Variants in ACER3 observed in about 807,000 individuals in gnomAD.
The protein encoded by ACER3 is alkaline ceramidase 3.
In ACER3, 16 loss-of-function variants were observed where a neutral mutation model predicts 48.9. That is an observed-to-expected ratio of 0.33 (90% CI 0.22 to 0.50). The LOEUF (loss-of-function observed/expected upper bound fraction) is 0.50. ACER3 is among the 20% of genes least tolerant of loss of function. The pLI, the probability that ACER3 is intolerant of heterozygous loss-of-function variation, is 0.98. For synonymous variants in ACER3, 109 were observed against 107.8 expected, an observed-to-expected ratio of 1.01 and a Z score of -0.07; for missense variants, 227 against 326.0, an observed-to-expected ratio of 0.70 and a Z score of 2.34.
chr11:76,930,486 G>A (rs1392220571), intron 2 of ACER3, among the ~76,000 whole-genome samples: 1 of 94,632 alleles, frequency 1.1e-5, no homozygotes, highest in Non-Finnish European at 3.2e-5. Flanking sequence ...TCTGATCTTA[G>A]TTATTTCTTG....
At chr11:76,950,394 TATATATATATATATATA>T (rs1387408038) in intron 2 of ACER3, among the ~76,000 whole-genome samples, 504 of 30,330 alleles carry the variant, frequency 0.017, 46 homozygotes, top group African/African-American at 0.022. Flanking sequence ...TATATATATA[TATATATATATATATATA>T]ATTTACACAT....
chr11:76,883,436 T>G (rs1945583991), intron 1 of ACER3, among the ~76,000 whole-genome samples: 3 of 128,486 alleles, frequency 2.3e-5, no homozygotes, highest in African/African-American at 7.8e-5. Flanking sequence ...ATGATTTTCT[T>G]GCTTTTTTTT....
intron 7 of ACER3, among the ~76,000 whole-genome samples, chr11:77,012,689 C>T (rs564079178): frequency 6.6e-6 from 1 of 152,092 alleles, no homozygotes; most frequent in Non-Finnish European, 1.5e-5. Context: ...TAGACAGATA[C>T]ACCATTTAAT....
intron 1 of ACER3, among the ~76,000 whole-genome samples, chr11:76,875,302 TG>T (rs1465230342): frequency 4.0e-5 from 6 of 151,534 alleles, no homozygotes; most frequent in African/African-American, 1.5e-4. Context: ...TTAGTAGAGA[TG>T]GGGTTTCACT....
At position 77,016,764 on chromosome 11, in the gene ACER3, T is replaced by C; in HGVS notation, c.689T>C (p.Leu230Pro). ...ATTTTAACTGGCCTTGGTTCCTATC[T>C]TCACATCCTTTTCAGGTAGGAAATA... is the stretch of plus-strand genomic sequence containing the variant. ...WHILTGLGSYLHILFSLYTRT... is the reference protein window; with the variant it reads ...WHILTGLGSYPHILFSLYTRT... The change falls in exon 9 of 11, where the codon CTT (leucine) becomes CCT (proline). Residue 230 changes from leucine (L) to proline (P), a missense_variant. By Grantham distance (98) the Leu-to-Pro change is moderately conservative. Coordinates refer to ENST00000532485, the MANE Select transcript of ACER3 (RefSeq NM_018367.7). The C allele has an allele frequency of 6.3e-7, 1 of 1,582,392 alleles. No individual in the cohort carries two copies.
intron 1 of ACER3, among the ~76,000 whole-genome samples, chr11:76,907,728 G>A (rs919633315): frequency 1.3e-5 from 2 of 152,108 alleles, no homozygotes; most frequent in Non-Finnish European, 2.9e-5. Flanking sequence ...AAAATTAGCC[G>A]GGCATGGTGA....
chr11:76,872,146 G>T (rs1945259318), intron 1 of ACER3, among the ~76,000 whole-genome samples: 1 of 151,146 alleles, frequency 6.6e-6, no homozygotes, highest in African/African-American at 2.4e-5. Context: ...GCACCACCTT[G>T]GCTCACTGCA....
At chr11:76,891,036 T>C (rs1158595720) in intron 1 of ACER3, among the ~76,000 whole-genome samples, 1 of 151,794 alleles carries the variant, frequency 6.6e-6, no homozygotes, top group African/African-American at 2.4e-5. Context: ...CGAGAATCGC[T>C]TGAACCCAGG....
chr11:76,986,616 T>G (rs1316443413), intron 5 of ACER3, among the ~76,000 whole-genome samples: 4 of 152,248 alleles, frequency 2.6e-5, no homozygotes, highest in Non-Finnish European at 5.9e-5. Context: ...CATTGTCTCA[T>G]TAAATCATCA....
chr11:76,936,381 A>C (rs1169744426), intron 2 of ACER3, among the ~76,000 whole-genome samples: 1 of 152,238 alleles, frequency 6.6e-6, no homozygotes, highest in African/African-American at 2.4e-5. Flanking sequence ...CCTTATACAT[A>C]AGAATAAATT....
chr11:76,875,676 GTTT>G (rs551772146), intron 1 of ACER3, among the ~76,000 whole-genome samples: 1 of 86,238 alleles, frequency 1.2e-5, no homozygotes, highest in Non-Finnish European at 2.5e-5. Context: ...TTAATTCCTT[GTTT>G]TTTTTTTCTT....
At chr11:76,969,958 A>T (rs192502468) in intron 3 of ACER3, among the ~76,000 whole-genome samples, 92 of 33,338 alleles carry the variant, frequency 2.8e-3, no homozygotes, top group African/African-American at 3.5e-3. Context: ...TAATAAAATT[A>T]AAAAAAAAAG....
chr11:76,905,242 T>G (rs1003764912), intron 1 of ACER3, among the ~76,000 whole-genome samples: 1 of 152,236 alleles, frequency 6.6e-6, no homozygotes, highest in Non-Finnish European at 1.5e-5. Context: ...ATTTTTTTTA[T>G]GTTACAAGCT....
intron 3 of ACER3, among the ~76,000 whole-genome samples, chr11:76,971,015 C>T (rs1428390620): frequency 6.6e-6 from 1 of 152,190 alleles, no homozygotes; most frequent in African/African-American, 2.4e-5. Flanking sequence ...CATGTTTTCA[C>T]ACAGTTCACC....
At chr11:76,920,163 A>C (rs1946648636) in intron 1 of ACER3, among the ~76,000 whole-genome samples, 1 of 152,122 alleles carries the variant, frequency 6.6e-6, no homozygotes, top group Admixed American at 6.5e-5. Context: ...TGGCTCCTAC[A>C]GTGCTGAGGC....
chr11:77,016,997 T>A (rs1949384071), intron 9 of ACER3, among the ~76,000 whole-genome samples: 1 of 152,072 alleles, frequency 6.6e-6, no homozygotes, highest in Admixed American at 6.5e-5. Context: ...ATACCAAACT[T>A]ATGACATGCA....
intron 1 of ACER3, among the ~76,000 whole-genome samples, chr11:76,866,139 AT>A (rs1227664336): frequency 6.6e-6 from 1 of 151,826 alleles, no homozygotes; most frequent in African/African-American, 2.4e-5. Flanking sequence ...CAGACTACAT[AT>A]TTAGAGTCCC....
Position 76,861,002 on chromosome 11 carries a change from G to A in ACER3, c.26G>A (p.Gly9Asp). The change falls in exon 1 of 11, where the codon GGC becomes GAC. Residue 9 changes from glycine to aspartate, a missense_variant. By Grantham distance (94) the Gly-to-Asp change is moderately conservative (BLOSUM62 -1). Transcript: ENST00000532485. Reference sequence around the variant, plus strand: ...ATGGCTCCGGCCGCGGACCGAGAGGGCTACTGGGGCCCCACGACCTCCACG... The same window carrying A: ...ATGGCTCCGGCCGCGGACCGAGAGGACTACTGGGGCCCCACGACCTCCACG... MAPAADRE[G>D]YWGPTTSTLD... 1 of 1,545,542 alleles carries A rather than the reference G, an allele frequency of 6.5e-7. No homozygotes were observed. Among genetic ancestry groups the A allele is most frequent in the Middle Eastern group, 2.3e-4 (1 of 4,370 alleles).
At chr11:76,891,669 A>G (rs939316566) in intron 1 of ACER3, among the ~76,000 whole-genome samples, 1 of 152,146 alleles carries the variant, frequency 6.6e-6, no homozygotes, top group African/African-American at 2.4e-5. Flanking sequence ...CAAGCCCTCA[A>G]CCTGTGGTTT....
Sources: gnomAD v4.1 joint callset for allele counts (sites outside exome capture counted in the v4.1 genomes callset) on GRCh38, gnomAD v4.1.1 for gene constraint, MANE v1.5 for transcripts, NCBI Gene and HGNC (gene_info 2026-07-23, HGNC 2026-07-21) for gene names.